Variants in NEDD9 observed in about 807,000 individuals in gnomAD.
NEDD9 encodes the protein enhancer of filamentation 1.
A neutral mutation model predicts 76.6 loss-of-function variants in NEDD9; 26 were observed. The ratio of observed to expected loss-of-function variants is 0.34; its 90% CI spans 0.25 to 0.47. The LOEUF (loss-of-function observed/expected upper bound fraction) is 0.47, where lower values mean the gene tolerates loss of function less well. Among genes scored for constraint, NEDD9 ranks in the 20% least tolerant of loss-of-function variants. The pLI, the probability that NEDD9 is intolerant of heterozygous loss-of-function variation, is 1.00. For synonymous variants in NEDD9, 392 were observed against 414.2 expected (o/e 0.95, Z 0.65); for missense variants, 937 against 1,058.5 (o/e 0.89, Z 1.59).
intron 1 of NEDD9, among the ~76,000 whole-genome samples, chr6:11,363,214 C>A (rs1468471032): frequency 6.6e-6 from 1 of 152,152 alleles, no homozygotes; most frequent in Non-Finnish European, 1.5e-5. Flanking sequence ...CTGACATAAC[C>A]AAAGACCAGA....
chr6:11,324,112 C>T (rs1413799197), intron 2 of NEDD9, among the ~76,000 whole-genome samples: 2 of 152,214 alleles, frequency 1.3e-5, no homozygotes, highest in African/African-American at 2.4e-5. Flanking sequence ...ATCAGAGCCA[C>T]GTGGCCACTG....
chr6:11,305,581 G>T (rs1313188795), intron 3 of NEDD9, among the ~76,000 whole-genome samples: 1 of 152,210 alleles, frequency 6.6e-6, no homozygotes, highest in Non-Finnish European at 1.5e-5. Flanking sequence ...TGGCCGAATG[G>T]AAGTTGAATG....
At chr6:11,202,998 A>G (rs925887107) in intron 2 of NEDD9, among the ~76,000 whole-genome samples, 2 of 152,234 alleles carry the variant, frequency 1.3e-5, no homozygotes, top group African/African-American at 4.8e-5. Context: ...CTCAATGGAA[A>G]CAGTGCCCCT....
chr6:11,349,088 C>T (rs572284394), intron 1 of NEDD9, among the ~76,000 whole-genome samples: 7 of 152,062 alleles, frequency 4.6e-5, no homozygotes, highest in African/African-American at 7.2e-5. Context: ...GAAAAAACAA[C>T]GCCATTAAAA....
intron 3 of NEDD9, among the ~76,000 whole-genome samples, chr6:11,277,224 G>C (rs1760436441): frequency 2.6e-5 from 4 of 152,218 alleles, no homozygotes; most frequent in Admixed American, 2.0e-4. Context: ...TGGAAGAAAA[G>C]GGTTTCTGCC....
At chr6:11,381,708 T>G (rs1421282465) in intron 1 of NEDD9, among the ~76,000 whole-genome samples, 1 of 152,184 alleles carries the variant, frequency 6.6e-6, no homozygotes, top group Non-Finnish European at 1.5e-5. Context: ...TCAGGACTCA[T>G]GTCCAAAGAG....
intron 1 of NEDD9, among the ~76,000 whole-genome samples, chr6:11,357,974 G>A (rs1762609535): frequency 6.6e-6 from 1 of 152,116 alleles, no homozygotes; most frequent in South Asian, 2.1e-4. Context: ...CTATGGGGCC[G>A]CATGGTGGCT....
At chr6:11,273,989 A>G (rs1760366539) in intron 3 of NEDD9, among the ~76,000 whole-genome samples, 1 of 152,196 alleles carries the variant, frequency 6.6e-6, no homozygotes, top group African/African-American at 2.4e-5. Flanking sequence ...CTAATGAAAG[A>G]ATTCAGCCAA....
chr6:11,284,106 C>T (rs938955951), intron 3 of NEDD9, among the ~76,000 whole-genome samples: 2 of 151,960 alleles, frequency 1.3e-5, no homozygotes, highest in East Asian at 1.9e-4. Flanking sequence ...CAAGATAGGC[C>T]AGAGAGAGAT....
chr6:11,334,311 AT>A (rs1762105818), intron 2 of NEDD9, among the ~76,000 whole-genome samples: 1 of 152,232 alleles, frequency 6.6e-6, no homozygotes, highest in Non-Finnish European at 1.5e-5. Flanking sequence ...TACATTTTAA[AT>A]GTTTTAATCC....
intron 2 of NEDD9, among the ~76,000 whole-genome samples, chr6:11,310,481 T>C (rs2113436649): frequency 6.6e-6 from 1 of 152,322 alleles, no homozygotes; most frequent in Middle Eastern, 3.4e-3. Context: ...CTATTGAGCA[T>C]GGCTGGCAAA....
At chr6:11,238,445 C>T (rs1759651502) in intron 3 of NEDD9, among the ~76,000 whole-genome samples, 1 of 152,220 alleles carries the variant, frequency 6.6e-6, no homozygotes, top group Non-Finnish European at 1.5e-5. Flanking sequence ...CGAGTCTCCA[C>T]CCTCGTGGGA....
rs183209427 is a variant in NEDD9 at position 11,246,182 on chromosome 6, A to G, written c.13-32455T>C. Among the ~76,000 whole-genome samples the G allele has an allele frequency of 3.9e-5, 6 of 152,338 alleles. No homozygotes were observed. The East Asian group carries it at 1.2e-3, about 29-fold the overall frequency. ...TCATGGACCCAGAATTCCAAGAGGG[A>G]GCTTACAGAACATTCCAGCAAAATG... is the stretch of plus-strand genomic sequence containing the variant. On this transcript the variant is annotated intron_variant, in intron 3 of 3. Coordinates refer to the NEDD9 transcript ENST00000397378.
chr6:11,325,764 T>A (rs1373151734), intron 2 of NEDD9, among the ~76,000 whole-genome samples: 3 of 152,216 alleles, frequency 2.0e-5, no homozygotes, highest in Non-Finnish European at 4.4e-5. Context: ...CTGGCAAACC[T>A]TTTAATGAAA....
chr6:11,276,396 CAT>C (rs1412097686), intron 3 of NEDD9, among the ~76,000 whole-genome samples: 1 of 152,028 alleles, frequency 6.6e-6, no homozygotes, highest in African/African-American at 2.4e-5. Flanking sequence ...TGTGTGCGTG[CAT>C]GTGTGTGTGC....
chr6:11,347,322 A>C (rs1302327644), intron 1 of NEDD9, among the ~76,000 whole-genome samples: 1 of 152,208 alleles, frequency 6.6e-6, no homozygotes, highest in Non-Finnish European at 1.5e-5. Context: ...CAAGGACCAG[A>C]TGGATTCACA....
rs554495486 is a variant in NEDD9, at chr6:11,370,233, G to T, written c.-214+11906C>A. ...CCTGCTTAGAGTAAAACGCTGCACC[G>T]AAGCTCTGCTGACGTTTTCCTATGC... On this transcript the variant is annotated intron_variant, in intron 1 of 3. Transcript: ENST00000397378. The surrounding 1 kb of genome is among the most constrained non-coding windows in gnomAD (Gnocchi z 4.2). 6.6e-6 allele frequency among the ~76,000 whole-genome samples: 1 copy of T among 152,176 alleles called. No individual in the cohort carries two copies. The highest frequency in any genetic ancestry group is 1.5e-5 in the Non-Finnish European group (1 of 68,034).
intron 2 of NEDD9, among the ~76,000 whole-genome samples, chr6:11,205,222 C>G (rs1758573545): frequency 6.6e-6 from 1 of 152,224 alleles, no homozygotes. Context: ...CTCCTCTGAA[C>G]AGCAAATGCT....
chr6:11,216,339 A>G (rs1411018526), intron 1 of NEDD9, among the ~76,000 whole-genome samples: 1 of 152,242 alleles, frequency 6.6e-6, no homozygotes, highest in African/African-American at 2.4e-5. Context: ...GCCAATGTCT[A>G]CATCCAGCCA....
Sources: allele counts gnomAD v4.1 joint callset (sites outside exome capture counted in the v4.1 genomes callset), GRCh38; gene constraint gnomAD v4.1.1; non-coding constraint Gnocchi (gnomAD v3.1); transcripts MANE v1.5; gene names NCBI Gene and HGNC (gene_info 2026-07-23, HGNC 2026-07-21).